Variants in NEFH observed in about 807,000 individuals in gnomAD.
NEFH encodes the protein neurofilament heavy polypeptide.
Under a neutral mutation model 56.6 loss-of-function variants are expected in NEFH, and 58 were observed. The ratio of observed to expected loss-of-function variants is 1.03; its 90% CI spans 0.83 to 1.28. The LOEUF (loss-of-function observed/expected upper bound fraction) is 1.28. NEFH is among the 50% of genes most tolerant of loss of function. The probability of loss-of-function intolerance (pLI) is 0.00; values close to 1 mark genes in which losing one functional copy is unlikely to be tolerated. For synonymous variants in NEFH, 542 were observed against 545.8 expected (o/e 0.99, Z 0.10); for missense variants, 1,221 against 1,307.6 (o/e 0.93, Z 1.02).
chr22:29,488,769 C>T (rs757893506), intron 3 of NEFH, 80 bp from the exon 4 acceptor site: 4 of 1,342,262 alleles, frequency 3.0e-6, no homozygotes, highest in Non-Finnish European at 4.3e-6. Flanking sequence ...TGTCAGTGAC[C>T]TTCAGGATAG....
chr22:29,489,974 A>G lies in NEFH; in HGVS notation c.2334A>G (p.Ala778=), dbSNP rs1288136751. Residue 778 remains alanine, a synonymous_variant, in exon 4 of 4, where the codon GCA becomes GCG. Transcript: ENST00000310624. Reference sequence around the variant, plus strand: ...CGAAGGAGGAAGCAAGGTCCCCTGCAGACAAATTCCCTGAAAAGGCCAAAA... The same window carrying G: ...CGAAGGAGGAAGCAAGGTCCCCTGCGGACAAATTCCCTGAAAAGGCCAAAA... ...TPAKEEARSP[A]DKFPEKAKSP... The G allele has an allele frequency of 6.2e-7, 1 of 1,613,996 alleles. No individual in the cohort carries two copies.
chr22:29,483,392 TCGGAGGCAG>T lies in NEFH; in HGVS notation c.903_911del (p.Glu302_Ala304del), dbSNP rs1357507245. 1 of 1,613,688 alleles carries T rather than the reference TCGGAGGCAG, an allele frequency of 6.2e-7. No homozygotes were observed. The highest frequency in any genetic ancestry group is 8.5e-7 in the Non-Finnish European group (1 of 1,180,010). On this transcript the variant is annotated inframe_deletion, in exon 2 of 4. Coordinates refer to ENST00000310624, the MANE Select transcript of NEFH (RefSeq NM_021076.4). ...TCCCCCAGTGAGGCTGGACCGACTG[TCGGAGGCAG>T]CCAAGGTGAACACAGACGCTATGCG...
rs539511579 is a variant in NEFH at position 29,483,432 on chromosome 22, C to T, written c.941C>T (p.Ala314Val). The change falls in exon 2 of 4, where the codon GCG becomes GTG. Residue 314 changes from alanine (A) to valine (V), a missense_variant. Physicochemically the swap from Ala to Val is moderately conservative, Grantham distance 64. Transcript: ENST00000310624. ...GTGAACACAGACGCTATGCGCTCAG[C>T]GCAGGAGGAGATAACTGAGTACCGG... ...AKVNTDAMRS[A>V]QEEITEYRRQ... is the part of the protein sequence containing the mutation. The T allele has an allele frequency of 2.7e-5, 43 of 1,613,958 alleles. No homozygotes were observed. The highest frequency in any genetic ancestry group is 1.8e-4 in the East Asian group (8 of 44,890).
In NEFH at chr22:29,490,425, G is replaced by T. The variant is rs1328197223; in HGVS notation, c.2785G>T (p.Ala929Ser). ...DAKPKEKTEV[A>S]KKEPDDAKAK... ...TAAACCCAAAGAAAAGACAGAGGTAGCCAAGAAGGAACCAGATGATGCCAA... is the reference window on the plus strand; with the variant it reads ...TAAACCCAAAGAAAAGACAGAGGTATCCAAGAAGGAACCAGATGATGCCAA... Residue 929 changes from alanine to serine, a missense_variant, in exon 4 of 4, where the codon GCC (alanine) becomes TCC (serine). This residue lies in a region of NEFH where 301 missense variants were observed against 346.6 expected (regional missense o/e 0.87). Transcript: ENST00000310624. 1 of 1,607,454 alleles carries T rather than the reference G, an allele frequency of 6.2e-7. No homozygotes were observed. The highest frequency in any genetic ancestry group is 1.1e-5 in the South Asian group (1 of 89,440).
rs540168753 is a variant in NEFH, at chr22:29,485,896, C to T, written c.1208+49C>T. On this transcript the variant is annotated intron_variant, in intron 3 of 3. Transcript: ENST00000310624. ...ATGGTGAAGAAAGCTTGTGTTCCTG[C>T]GAGACGCTAAGCCTTGGGTTTCAAG... 130 of 1,609,344 alleles carry T rather than the reference C, an allele frequency of 8.1e-5. No homozygotes were observed. The Middle Eastern group carries it at 1.8e-3, about 23-fold the overall frequency.
Position 29,489,845 on chromosome 22 carries a change from G to A in NEFH, c.2205G>A (p.Lys735=). The change falls in exon 4 of 4, where the codon AAG becomes AAA. Residue 735 remains lysine (K), a synonymous_variant. Coordinates refer to ENST00000310624, the MANE Select transcript of NEFH (RefSeq NM_021076.4). ...AGGAAGAAGCAAAGACCCCCGAGAA[G>A]GCCAAGTCCCCAGTGAAGGAAGAAG... is the stretch of plus-strand genomic sequence containing the variant. ...PVKEEAKTPE[K]AKSPVKEEAK... 1 of 1,584,974 alleles carries A rather than the reference G, an allele frequency of 6.3e-7. No individual in the cohort carries two copies. Among genetic ancestry groups the A allele is most frequent in the Non-Finnish European group, 8.6e-7 (1 of 1,163,650 alleles).
Position 29,489,967 on chromosome 22 carries a change from C to G in NEFH, c.2327C>G (p.Ser776Cys), listed in dbSNP as rs201520640. Residue 776 changes from serine to cysteine, a missense_variant, in exon 4 of 4, where the codon TCC (serine) becomes TGC (cysteine). This residue lies in a region of NEFH where 301 missense variants were observed against 346.6 expected (regional missense o/e 0.87). Coordinates refer to ENST00000310624, the MANE Select transcript of NEFH (RefSeq NM_021076.4). ...ACTCCAGCGAAGGAGGAAGCAAGGT[C>G]CCCTGCAGACAAATTCCCTGAAAAG... ...AKTPAKEEAR[S>C]PADKFPEKAK... 1.4e-5 allele frequency: 23 copies of G among 1,613,810 alleles called. No individual in the cohort carries two copies. In the East Asian group the frequency reaches 4.2e-4, roughly 30 times the overall value.
chr22:29,483,834 T>TATTG (rs921285960), intron 2 of NEFH, among the ~76,000 whole-genome samples: 1 of 85,178 alleles, frequency 1.2e-5, no homozygotes, highest in African/African-American at 6.6e-5. Flanking sequence ...GACTTTTATT[T>TATTG]ATTTATTTAT....
rs980245580 is a variant in NEFH, at chr22:29,491,001, C to G, written c.*298C>G. On this transcript the variant is annotated 3_prime_UTR_variant, in exon 4 of 4. Coordinates refer to ENST00000310624, the MANE Select transcript of NEFH (RefSeq NM_021076.4). The stretch of plus-strand genomic sequence containing the variant: ...AAACACTTGACTATAAAAACTGCCC[C>G]CCTCCTTTCCAAATAAGTGCATTTA... The G allele has an allele frequency of 1.4e-5, 7 of 487,674 alleles. No individual in the cohort carries two copies. The highest frequency in any genetic ancestry group is 1.9e-5 in the Non-Finnish European group (5 of 269,242). The allele number at this position is 487,674 out of a possible 1,614,324, so 30.2% of individuals were successfully genotyped here. A position where few individuals can be genotyped will look rare whatever the true frequency, so the allele number is the denominator to read the frequency against.
At chr22:29,488,260 AG>A (rs1265373421) in intron 3 of NEFH, among the ~76,000 whole-genome samples, 1 of 152,154 alleles carries the variant, frequency 6.6e-6, no homozygotes, top group Admixed American at 6.5e-5. Flanking sequence ...GCTACTCAGT[AG>A]GCTGAGACAG....
Position 29,483,276 on chromosome 22 carries a change from CA to C in NEFH, c.884-84del, listed in dbSNP as rs144426244. 0.11 allele frequency: 98,078 copies of C among 875,774 alleles called. 34 individuals carry two copies. Among genetic ancestry groups the C allele is most frequent in the South Asian group, 0.16 (8,905 of 55,354 alleles). 54.3% of individuals were successfully genotyped at this position (875,774 alleles called of 1,614,324 possible). A position where few individuals can be genotyped will look rare whatever the true frequency, so the allele number is the denominator to read the frequency against. Reference sequence around the variant, plus strand: ...CCTGGGCGAGAGCGAGAATCCGTCTCAAAAAAAAAAAAAAAGAAAAAGAACA... The same window carrying C: ...CCTGGGCGAGAGCGAGAATCCGTCTCAAAAAAAAAAAAAAGAAAAAGAACA... On this transcript the variant is annotated intron_variant, in intron 1 of 3. Coordinates refer to ENST00000310624, the MANE Select transcript of NEFH (RefSeq NM_021076.4).
chr22:29,487,785 C>T (rs1755195069), intron 3 of NEFH, among the ~76,000 whole-genome samples: 1 of 150,448 alleles, frequency 6.6e-6, no homozygotes, highest in African/African-American at 2.4e-5. Flanking sequence ...CCCACACTTA[C>T]TCTGAGACAA....
chr22:29,484,358 G>A (rs1003225632), intron 2 of NEFH, among the ~76,000 whole-genome samples: 2 of 152,226 alleles, frequency 1.3e-5, no homozygotes, highest in African/African-American at 2.4e-5. Flanking sequence ...GATAACTGGC[G>A]GCTGGGCCTA....
At chr22:29,486,187 T>C (rs1602968208) in intron 3 of NEFH, among the ~76,000 whole-genome samples, 1 of 146,156 alleles carries the variant, frequency 6.8e-6, no homozygotes, top group East Asian at 2.0e-4. Context: ...CCTGGCTAAT[T>C]TTTATTTTTT....
intron 2 of NEFH, among the ~76,000 whole-genome samples, chr22:29,484,281 A>G (rs2063030948): frequency 6.6e-6 from 1 of 152,208 alleles, no homozygotes; most frequent in Admixed American, 6.5e-5. Flanking sequence ...CGCAGTGGAC[A>G]TTCTGTAAAC....
intron 3 of NEFH, among the ~76,000 whole-genome samples, chr22:29,486,194 T>TA (rs111690803): frequency 9.8e-4 from 148 of 151,298 alleles, no homozygotes; most frequent in African/African-American, 3.4e-3. Flanking sequence ...AATTTTTATT[T>TA]TTTTTTTTTT....
rs1470484949 is a variant in NEFH at position 29,490,487 on chromosome 22, G to C, written c.2847G>C (p.Glu949Asp). The C allele has an allele frequency of 6.3e-7, 1 of 1,589,572 alleles. No homozygotes were observed. ...KEPSKPAEKK[E>D]AAPEKKDTKE... is the part of the protein sequence containing the mutation. ...CCAGCAAACCAGCAGAGAAGAAGGAGGCAGCACCGGAGAAAAAAGACACCA... is the reference window on the plus strand; with the variant it reads ...CCAGCAAACCAGCAGAGAAGAAGGACGCAGCACCGGAGAAAAAAGACACCA... Residue 949 changes from glutamate to aspartate, a missense_variant, in exon 4 of 4, where the codon GAG becomes GAC. This residue lies in a region of NEFH where 301 missense variants were observed against 346.6 expected (regional missense o/e 0.87). Coordinates refer to ENST00000310624, the MANE Select transcript of NEFH (RefSeq NM_021076.4).
intron 1 of NEFH, among the ~76,000 whole-genome samples, chr22:29,482,385 G>C (rs529793614): frequency 6.6e-6 from 1 of 152,142 alleles, no homozygotes; most frequent in Non-Finnish European, 1.5e-5. Context: ...TCACTTTTAC[G>C]AGCTAAAGAC....
chr22:29,480,529 G>A lies in NEFH; in HGVS notation c.267G>A (p.Val89=). ...TLSNGPEGCM[V]AVATSRSEKE... ...GCAACGGGCCGGAGGGCTGCATGGT[G>A]GCGGTGGCCACCTCACGCAGTGAGA... Residue 89 remains valine, a synonymous_variant, in exon 1 of 4, where the codon GTG becomes GTA. Transcript: ENST00000310624. The A allele has an allele frequency of 1.3e-6, 2 of 1,536,886 alleles. No individual in the cohort carries two copies. The highest frequency in any genetic ancestry group is 1.2e-5 in the South Asian group (1 of 84,172).
Sources: allele counts gnomAD v4.1 joint callset (sites outside exome capture counted in the v4.1 genomes callset), GRCh38; gene constraint gnomAD v4.1.1; regional missense constraint gnomAD v4.1.1; transcripts MANE v1.5; gene names NCBI Gene and HGNC (gene_info 2026-07-23, HGNC 2026-07-21).